Variants in CDC42BPG observed in about 807,000 individuals in gnomAD.
CDC42BPG encodes the protein CDC42 binding protein kinase gamma.
A neutral mutation model predicts 192.2 loss-of-function variants in CDC42BPG; 157 were observed. The observed-to-expected ratio is 0.82, with a 90% CI of 0.72 to 0.93. The LOEUF is 0.93. Among genes scored for constraint, CDC42BPG ranks in the 40% least tolerant of loss-of-function variants. The probability of loss-of-function intolerance (pLI) is 0.00; values close to 1 mark genes in which losing one functional copy is unlikely to be tolerated. For synonymous variants in CDC42BPG, 981 were observed against 918.5 expected, an observed-to-expected ratio of 1.07 and a Z score of -1.23; for missense variants, 1,992 against 2,122.1, an observed-to-expected ratio of 0.94 and a Z score of 1.20.
At chr11:64,836,705 C>CCGGCGGG (rs1192864769) in intron 11 of CDC42BPG, 34 bp downstream of exon 11, 4 of 260,498 alleles carry the variant, frequency 1.5e-5, no homozygotes, top group African/African-American at 1.3e-4. Flanking sequence ...GGACTCAGCC[C>CCGGCGGG]TGGGGGGGGG....
chr11:64,844,601 AGTCTGGCCGCCCGCATGCCCGCCT>A lies in CDC42BPG; in HGVS notation c.-56_-33del. ...GGCCGGAGCCTCGCTGCTCGGCTAC[AGTCTGGCCGCCCGCATGCCCGCCT>A]GTCGGGCCGTCCGTCCGCCCAACCG... On this transcript the variant is annotated 5_prime_UTR_variant, in exon 1 of 37. The change abolishes an upstream ATG in the 5' untranslated region. Transcript: ENST00000342711. 1 of 1,239,940 alleles carries A rather than the reference AGTCTGGCCGCCCGCATGCCCGCCT, an allele frequency of 8.1e-7. No homozygotes were observed. The highest frequency in any genetic ancestry group is 1.0e-6 in the Non-Finnish European group (1 of 991,782). 76.8% of individuals were successfully genotyped at this position (1,239,940 alleles called of 1,614,324 possible). A position where few individuals can be genotyped will look rare whatever the true frequency, so the allele number is the denominator to read the frequency against.
chr11:64,834,949 T>G lies in CDC42BPG; in HGVS notation c.2075A>C (p.Lys692Thr), dbSNP rs1942903395. 6.2e-7 allele frequency: 1 copy of G among 1,614,044 alleles called. No individual in the cohort carries two copies. The highest frequency in any genetic ancestry group is 2.2e-5 in the East Asian group (1 of 44,874). ...ADILSWVNDE[K>T]VSRGYLQALA... ...GGCCTGCAGGTAGCCTCTTGAGACC[T>G]TCTCATCATTCACCCTGAATGGGAA... Residue 692 changes from lysine (K) to threonine (T), a missense_variant, in exon 18 of 37, where the codon AAG becomes ACG. Lys to Thr is a moderately conservative substitution (Grantham distance 78, BLOSUM62 -1). This residue lies in a region of CDC42BPG where 1,656 missense variants were observed against 1,844.3 expected (regional missense o/e 0.90). Coordinates refer to ENST00000342711, the MANE Select transcript of CDC42BPG (RefSeq NM_017525.3).
intron 28 of CDC42BPG, among the ~76,000 whole-genome samples, chr11:64,830,967 C>T (rs1761041470): frequency 6.6e-6 from 1 of 152,212 alleles, no homozygotes; most frequent in African/African-American, 2.4e-5. Flanking sequence ...CCTATAATTC[C>T]AGCACTTTGG....
chr11:64,837,753 C>G (rs149731314), intron 9 of CDC42BPG, among the ~76,000 whole-genome samples: 1 of 152,216 alleles, frequency 6.6e-6, no homozygotes, highest in African/African-American at 2.4e-5. Flanking sequence ...TAAGCCACCA[C>G]GCCTGGTCCA....
chr11:64,833,299 G>T lies in CDC42BPG; in HGVS notation c.2663C>A (p.Ser888Tyr). 1 of 1,544,006 alleles carries T rather than the reference G, an allele frequency of 6.5e-7. No homozygotes were observed. The highest frequency in any genetic ancestry group is 8.7e-7 in the Non-Finnish European group (1 of 1,144,484). Residue 888 changes from serine to tyrosine, a missense_variant, in exon 24 of 37, where the codon TCC (serine) becomes TAC (tyrosine). Physicochemically the swap from Ser to Tyr is moderately radical, Grantham distance 144. Transcript: ENST00000342711. ...GGTGCAGCGGAGACACTTGGTCGGG[G>T]ATGGGAAGCTCCGGGGGCGCAGCGT... ...SHTLRPRSFP[S>Y]PTKCLRCTSL...
intron 23 of CDC42BPG, 37 bp from the exon 24 acceptor site, chr11:64,833,373 G>A (rs749119954): frequency 2.5e-6 from 3 of 1,187,390 alleles, no homozygotes; most frequent in East Asian, 2.6e-5. Context: ...AGGCCTCCCA[G>A]GGCCCCATGC....
Position 64,823,466 on chromosome 11 carries a change from A to G in CDC42BPG, c.*1007T>C, listed in dbSNP as rs770204110. On this transcript the variant is annotated 3_prime_UTR_variant, in exon 37 of 37. Transcript: ENST00000342711. The stretch of plus-strand genomic sequence containing the variant: ...GTGGCATTTGAGGAGATAAATACTT[A>G]TTTTGCCCCCCACACTTCAGTGGGG... The G allele has an allele frequency of 3.9e-5, 6 of 151,900 alleles. No homozygotes were observed. The highest frequency in any genetic ancestry group is 7.4e-5 in the Non-Finnish European group (5 of 67,964). 9.4% of individuals were successfully genotyped at this position (151,900 alleles called of 1,614,324 possible).
Position 64,836,726 on chromosome 11 carries a change from G to GGGGGGGGGGGGGACC in CDC42BPG, c.1384+12_1384+13insGGTCCCCCCCCCCCC. 1 of 889,338 alleles carries GGGGGGGGGGGGGACC rather than the reference G, an allele frequency of 1.1e-6. No homozygotes were observed. Among genetic ancestry groups the GGGGGGGGGGGGGACC allele is most frequent in the Non-Finnish European group, 1.6e-6 (1 of 622,140 alleles). The allele number at this position is 889,338 out of a possible 1,614,324, so 55.1% of individuals were successfully genotyped here. A position where few individuals can be genotyped will look rare whatever the true frequency, so the allele number is the denominator to read the frequency against. On this transcript the variant is annotated intron_variant, in intron 11 of 36. Transcript: ENST00000342711. Reference sequence around the variant, plus strand: ...AGCCCTGGGGGGGGGGGGGGGGTGGGCGGAAGGGATACCTGGCAGCCTGTC... The same window carrying GGGGGGGGGGGGGACC: ...AGCCCTGGGGGGGGGGGGGGGGTGGGGGGGGGGGGGGGACCCGGAAGGGATACCTGGCAGCCTGTC...
Position 64,841,832 on chromosome 11 carries a change from C to CGAT in CDC42BPG, c.232_233insATC (p.Gly78delinsAspArg). ...GCTCACCTCCCCAAAGGCTCCTCGG[C>CGAT]CGATCACCTTCAAGATCTCAAAGTC... On this transcript the variant is annotated protein_altering_variant, in exon 2 of 37. Coordinates refer to ENST00000342711, the MANE Select transcript of CDC42BPG (RefSeq NM_017525.3). The CGAT allele has an allele frequency of 6.2e-7, 1 of 1,614,034 alleles. No individual in the cohort carries two copies. The highest frequency in any genetic ancestry group is 8.5e-7 in the Non-Finnish European group (1 of 1,180,000).
intron 3 of CDC42BPG, 119 bp downstream of exon 3, chr11:64,841,531 G>T (rs1273772438): frequency 2.7e-6 from 2 of 746,664 alleles, no homozygotes; most frequent in Non-Finnish European, 4.7e-6. Context: ...GCTGAGGGTG[G>T]CACCCTTTGC....
At chr11:64,833,430 A>G in intron 23 of CDC42BPG, 94 bp from the exon 24 acceptor site, 2 of 962,760 alleles carry the variant, frequency 2.1e-6, no homozygotes, top group Non-Finnish European at 3.1e-6. Context: ...GCCAGGCAAC[A>G]GTGACCTCCG....
chr11:64,832,428 C>T lies in CDC42BPG; in HGVS notation c.3087G>A (p.Arg1029=). The T allele has an allele frequency of 1.9e-6, 3 of 1,613,600 alleles. No homozygotes were observed. The highest frequency in any genetic ancestry group is 1.7e-5 in the Admixed American group (1 of 59,948). ...GCTCCATCTCATCCCAGGCACTCAC[C>T]CTAAAGATGCGTGGCAGGTCCCTGG... is the stretch of plus-strand genomic sequence containing the variant. ...AQSRDLPRIF[R]VTTSQLAVPP... is the part of the protein sequence containing the mutation. Residue 1029 remains arginine, a splice_region_variant and synonymous_variant, in exon 27 of 37, where the codon AGG becomes AGA. Coordinates refer to ENST00000342711, the MANE Select transcript of CDC42BPG (RefSeq NM_017525.3).
chr11:64,841,582 C>CT, intron 3 of CDC42BPG, 68 bp downstream of exon 3: 1 of 1,394,842 alleles, frequency 7.2e-7, no homozygotes, highest in South Asian at 1.2e-5. Flanking sequence ...GCCATAGGCC[C>CT]TGGCAGCATA....
At position 64,835,365 on chromosome 11, in the gene CDC42BPG, C is replaced by T. The variant is rs950710427; in HGVS notation, c.1935G>A (p.Leu645=). 1.9e-6 allele frequency: 3 copies of T among 1,613,896 alleles called. No individual in the cohort carries two copies. In the African/African-American group the frequency reaches 4.0e-5, roughly 22 times the overall value. ...TGCTCACCCGCTCCTGCTCCCGGCT[C>T]AGCCTCCGGTTTTCCTCCTGCAGCT... ...LCQLQEENRR[L]SREQERLEAE... is the part of the protein sequence containing the mutation. The change falls in exon 16 of 37, where the codon CTG becomes CTA. Residue 645 remains leucine (L), a synonymous_variant. Transcript: ENST00000342711.
Position 64,831,728 on chromosome 11 carries a change from G to A in CDC42BPG, c.3088-7C>T. 6.3e-7 allele frequency: 1 copy of A among 1,583,272 alleles called. No homozygotes were observed. Among genetic ancestry groups the A allele is most frequent in the Non-Finnish European group, 8.6e-7 (1 of 1,168,476 alleles). On this transcript the variant is annotated splice_region_variant and splice_polypyrimidine_tract_variant and intron_variant, in intron 27 of 36. Coordinates refer to ENST00000342711, the MANE Select transcript of CDC42BPG (RefSeq NM_017525.3). ...CCAGCTGGGAGGTTGTCACCTGTGG[G>A]CAAGGACCCCAGCTGGAGGGCCGTG...
At chr11:64,841,957 CCCTCT>C (rs1943300578) in intron 1 of CDC42BPG, 53 bp from the exon 2 acceptor site, 1 of 1,424,796 alleles carries the variant, frequency 7.0e-7, no homozygotes, top group East Asian at 2.5e-5. Context: ...GCTCCATTCC[CCCTCT>C]CACCTTGGGC....
intron 30 of CDC42BPG, 145 bp downstream of exon 30, chr11:64,829,326 G>A (rs761609724): frequency 5.2e-5 from 52 of 999,534 alleles, no homozygotes; most frequent in Non-Finnish European, 6.7e-5. Context: ...AGCCACAGAG[G>A]GTGGGACAGG....
In CDC42BPG at chr11:64,836,720, G is replaced by GGGGC. The variant is rs1565690188; in HGVS notation, c.1384+18_1384+19insGCCC. ...GGACTCAGCCCTGGGGGGGGGGGGG[G>GGGGC]GGTGGGCGGAAGGGATACCTGGCAG... On this transcript the variant is annotated intron_variant, in intron 11 of 36. Coordinates refer to ENST00000342711, the MANE Select transcript of CDC42BPG (RefSeq NM_017525.3). 5.9e-6 allele frequency: 5 copies of GGGGC among 843,892 alleles called. No homozygotes were observed. In the African/African-American group the frequency reaches 8.2e-5, roughly 14 times the overall value. 52.3% of individuals were successfully genotyped at this position (843,892 alleles called of 1,614,324 possible).
intron 1 of CDC42BPG, among the ~76,000 whole-genome samples, chr11:64,842,939 C>G (rs976057885): frequency 1.3e-5 from 2 of 152,118 alleles, no homozygotes; most frequent in African/African-American, 4.8e-5. Flanking sequence ...AAGCCCGCAG[C>G]GGGGGCGGGG....
Sources: gnomAD v4.1 joint callset for allele counts (sites outside exome capture counted in the v4.1 genomes callset) on GRCh38, gnomAD v4.1.1 for gene constraint, gnomAD v4.1.1 regional missense constraint, MANE v1.5 for transcripts, NCBI Gene and HGNC (gene_info 2026-07-23, HGNC 2026-07-21) for gene names.